The following PKN2 variants were observed in gnomAD, a reference collection of about 807,000 sequenced individuals.
PKN2 encodes protein kinase N2.
A neutral mutation model predicts 119.1 loss-of-function variants in PKN2; 38 were observed. The ratio of observed to expected loss-of-function variants is 0.32; its 90% CI spans 0.25 to 0.42. PKN2 has a LOEUF of 0.42. Ranked by LOEUF, PKN2 falls within the 10% of genes least tolerant of loss-of-function variation. PKN2 has a pLI of 1.00. For synonymous variants in PKN2, 390 were observed against 384.9 expected, an observed-to-expected ratio of 1.01 and a Z score of -0.15; for missense variants, 850 against 1,165.1, an observed-to-expected ratio of 0.73 and a Z score of 3.94.
intron 6 of PKN2, among the ~76,000 whole-genome samples, chr1:88,773,815 A>G (rs1669985112): frequency 6.6e-6 from 1 of 152,162 alleles, no homozygotes; most frequent in Admixed American, 6.5e-5. Context: ...ATTTAAAGTA[A>G]TTACAGACAG....
chr1:88,774,892 A>G (rs1156812972), intron 6 of PKN2, among the ~76,000 whole-genome samples: 1 of 151,874 alleles, frequency 6.6e-6, no homozygotes, highest in Non-Finnish European at 1.5e-5. Context: ...GTTTTTTGCT[A>G]GCAATGGCGT....
At position 88,828,166 on chromosome 1, in the gene PKN2, G is replaced by A. The variant is rs1023294062; in HGVS notation, c.2420-315G>A. Among the ~76,000 whole-genome samples, 3 of 152,290 alleles carry A rather than the reference G, an allele frequency of 2.0e-5. No individual in the cohort carries two copies. In the South Asian group the frequency reaches 6.2e-4, roughly 32 times the overall value. ...AACTTATTTAAGATTGAATTGGAAA[G>A]ATAATGGAACTTCACAATCAGTTCA... On this transcript the variant is annotated intron_variant, in intron 18 of 21. Transcript: ENST00000370521.
In PKN2 at chr1:88,817,512, C is replaced by G. The variant is rs145897671; in HGVS notation, c.2279+3779C>G. Among the ~76,000 whole-genome samples, 1,012 of 151,676 alleles carry G rather than the reference C, an allele frequency of 6.7e-3. 11 individuals are homozygous for G. The highest frequency in any genetic ancestry group is 0.024 in the African/African-American group (974 of 41,326). On this transcript the variant is annotated intron_variant, in intron 16 of 21. Transcript: ENST00000370521. ...CACCAGGTCAGGATATCGAGACCAGCCTGGCCAACATGGTGAAACCCCATC... is the reference window on the plus strand; with the variant it reads ...CACCAGGTCAGGATATCGAGACCAGGCTGGCCAACATGGTGAAACCCCATC...
chr1:88,795,374 A>G (rs934801127), intron 8 of PKN2, among the ~76,000 whole-genome samples: 2 of 152,160 alleles, frequency 1.3e-5, no homozygotes, highest in African/African-American at 4.8e-5. Context: ...CTTGTTGGAT[A>G]TACTCACATT....
intron 17 of PKN2, among the ~76,000 whole-genome samples, chr1:88,823,814 G>C (rs1672389121): frequency 6.7e-6 from 1 of 150,246 alleles, no homozygotes; most frequent in African/African-American, 2.4e-5. Context: ...TTCAAGACCA[G>C]CCTGGCCAAA....
chr1:88,771,849 A>G lies in PKN2; in HGVS notation c.955A>G (p.Ser319Gly). ...TATGATATCTACGCAAAATCAATAT[A>G]GTACACTATCCAAACCAGCAGCACT... ...QSMISTQNQY[S>G]TLSKPAALTG... is the part of the protein sequence containing the mutation. Residue 319 changes from serine (S) to glycine (G), a missense_variant, in exon 6 of 22, where the codon AGT becomes GGT. Physicochemically the swap from Ser to Gly is moderately conservative, Grantham distance 56. Coordinates refer to ENST00000370521, the MANE Select transcript of PKN2 (RefSeq NM_006256.4). 2.5e-6 allele frequency: 4 copies of G among 1,613,734 alleles called. No homozygotes were observed. The highest frequency in any genetic ancestry group is 4.5e-5 in the East Asian group (2 of 44,834).
intron 6 of PKN2, among the ~76,000 whole-genome samples, chr1:88,774,650 T>G (rs1408518214): frequency 2.6e-5 from 4 of 152,100 alleles, no homozygotes. Flanking sequence ...TGTTTATCTT[T>G]TTTTCTCTGA....
At chr1:88,762,230 A>G (rs1669475764) in intron 3 of PKN2, among the ~76,000 whole-genome samples, 1 of 152,246 alleles carries the variant, frequency 6.6e-6, no homozygotes, top group Admixed American at 6.5e-5. Context: ...AAACAAATAG[A>G]TAACCTAAAA....
chr1:88,791,328 C>T (rs1670828690), intron 8 of PKN2, among the ~76,000 whole-genome samples: 1 of 151,414 alleles, frequency 6.6e-6, no homozygotes, highest in Non-Finnish European at 1.5e-5. Flanking sequence ...CCCAGCTAAC[C>T]TAGGAGGCTG....
rs567216069 is a variant in PKN2 at position 88,724,887 on chromosome 1, T to G, written c.49-16101T>G. ...GTGCCCGCCCCCACCCCTTGGTTTT[T>G]TTTTTTTTTTTTTTTCCTTCTTTTT... On this transcript the variant is annotated intron_variant, in intron 1 of 21. Transcript: ENST00000370521. Among the ~76,000 whole-genome samples the G allele has an allele frequency of 2.2e-3, 315 of 145,566 alleles. 3 individuals carry two copies. The highest frequency in any genetic ancestry group is 7.5e-3 in the African/African-American group (289 of 38,422).
intron 1 of PKN2, among the ~76,000 whole-genome samples, chr1:88,732,681 T>C (rs564201920): frequency 5.9e-5 from 9 of 152,222 alleles, no homozygotes; most frequent in Non-Finnish European, 1.0e-4. Flanking sequence ...TTCTAATTAT[T>C]ATCTTAGGTT....
Position 88,720,454 on chromosome 1 carries a change from C to T in PKN2, c.49-20534C>T, listed in dbSNP as rs76497199. 4.8e-3 allele frequency among the ~76,000 whole-genome samples: 726 copies of T among 152,242 alleles called. 2 individuals carry two copies. Among genetic ancestry groups the T allele is most frequent in the African/African-American group, 0.016 (681 of 41,534 alleles). ...CCTGTCCGTCTCCATGTCTGTTTGT[C>T]TCTATTGTTGTCTTCAGAACCAGAA... On this transcript the variant is annotated intron_variant, in intron 1 of 21. Transcript: ENST00000370521.
At chr1:88,806,753 C>T (rs1671558566) in intron 12 of PKN2, among the ~76,000 whole-genome samples, 2 of 152,076 alleles carry the variant, frequency 1.3e-5, no homozygotes, top group South Asian at 4.1e-4. Flanking sequence ...GAGTTTTGCT[C>T]TTGTTGCCCA....
intron 3 of PKN2, among the ~76,000 whole-genome samples, chr1:88,765,455 C>T (rs921782016): frequency 6.6e-5 from 10 of 152,116 alleles, no homozygotes; most frequent in African/African-American, 2.4e-4. Flanking sequence ...GCCAATCCTC[C>T]AGTATTGCCT....
intron 2 of PKN2, among the ~76,000 whole-genome samples, chr1:88,759,137 G>A (rs558163033): frequency 6.6e-6 from 1 of 152,180 alleles, no homozygotes; most frequent in African/African-American, 2.4e-5. Flanking sequence ...GGCCAAGGCG[G>A]GCAGATCACG....
intron 1 of PKN2, among the ~76,000 whole-genome samples, chr1:88,740,243 G>T (rs938410158): frequency 1.3e-5 from 2 of 152,046 alleles, no homozygotes; most frequent in African/African-American, 2.4e-5. Flanking sequence ...ATGGAGTTCT[G>T]AATATAGTTT....
chr1:88,739,938 A>G (rs567166553), intron 1 of PKN2, among the ~76,000 whole-genome samples: 39 of 152,286 alleles, frequency 2.6e-4, no homozygotes, highest in African/African-American at 9.1e-4. Flanking sequence ...CTTGAAGTAT[A>G]CAGTTGGCCA....
At chr1:88,785,654 A>T (rs549804276) in intron 7 of PKN2, among the ~76,000 whole-genome samples, 2 of 152,202 alleles carry the variant, frequency 1.3e-5, no homozygotes, top group East Asian at 3.8e-4. Context: ...GGGGAAAAGC[A>T]TGTGACAGTT....
chr1:88,743,775 G>C (rs1233182655), intron 2 of PKN2, among the ~76,000 whole-genome samples: 1 of 152,016 alleles, frequency 6.6e-6, no homozygotes, highest in Non-Finnish European at 1.5e-5. Flanking sequence ...TTTAGAATTA[G>C]TATCAAAGCC....
Sources: allele counts gnomAD v4.1 joint callset (sites outside exome capture counted in the v4.1 genomes callset), GRCh38; gene constraint gnomAD v4.1.1; transcripts MANE v1.5; gene names NCBI Gene and HGNC (gene_info 2026-07-23, HGNC 2026-07-21).